Variants in TP63 observed in about 807,000 individuals in gnomAD.
The protein encoded by TP63 is tumor protein 63.
A neutral mutation model predicts 82.8 loss-of-function variants in TP63; 17 were observed. That is an observed-to-expected ratio of 0.21 (90% CI 0.14 to 0.31). TP63 has a LOEUF of 0.31. Ranked by LOEUF, TP63 falls within the 10% of genes least tolerant of loss-of-function variation. The pLI is 1.00. For missense variants in TP63, 648 were observed against 895.3 expected (o/e 0.72, Z 3.52); for synonymous variants, 330 against 321.7 (o/e 1.03, Z -0.28).
chr3:189,865,570 A>T (rs1717623932), intron 5 of TP63, among the ~76,000 whole-genome samples: 1 of 152,242 alleles, frequency 6.6e-6, no homozygotes, highest in Non-Finnish European at 1.5e-5. Context: ...TATAGAAAAA[A>T]TATTAAAATA....
intron 3 of TP63, among the ~76,000 whole-genome samples, chr3:189,767,328 T>G (rs1366339007): frequency 6.6e-6 from 1 of 152,128 alleles, no homozygotes; most frequent in African/African-American, 2.4e-5. Flanking sequence ...AACATGTTCT[T>G]GTTGTTGTGT....
intron 10 of TP63, among the ~76,000 whole-genome samples, chr3:189,878,932 G>C (rs1431346281): frequency 9.5e-5 from 14 of 146,984 alleles, no homozygotes; most frequent in African/African-American, 3.0e-4. Context: ...CCAGCCTACA[G>C]TTTACTTTTG....
chr3:189,881,351 T>A lies in TP63; in HGVS notation c.1350-5043T>A. The A allele has an allele frequency of 4.1e-6, 4 of 985,444 alleles. No individual in the cohort carries two copies. In the African/African-American group the frequency reaches 7.0e-5, roughly 17 times the overall value. The allele number at this position is 985,444 out of a possible 1,614,324, so 61.0% of individuals were successfully genotyped here. A position where few individuals can be genotyped will look rare whatever the true frequency, so the allele number is the denominator to read the frequency against. ...TTTTAAGATAATAGCATAAAGACTT[T>A]AAAAATGTTCCTCCCCTCCATCTTC... On this transcript the variant is annotated intron_variant, in intron 10 of 13. Transcript: ENST00000264731.
At chr3:189,876,032 C>A (rs1213286538) in intron 10 of TP63, among the ~76,000 whole-genome samples, 1 of 152,102 alleles carries the variant, frequency 6.6e-6, no homozygotes, top group Non-Finnish European at 1.5e-5. Context: ...AAAGATGTAG[C>A]TCCTGCCTTC....
intron 3 of TP63, among the ~76,000 whole-genome samples, chr3:189,793,480 T>G (rs1165082031): frequency 6.6e-6 from 1 of 152,082 alleles, no homozygotes; most frequent in African/African-American, 2.4e-5. Flanking sequence ...AGATTCTGCG[T>G]TCTGCTATAA....
intron 1 of TP63, among the ~76,000 whole-genome samples, chr3:189,659,218 C>T (rs1476822694): frequency 6.6e-6 from 1 of 151,996 alleles, no homozygotes; most frequent in African/African-American, 2.4e-5. Flanking sequence ...TCTCATTCCC[C>T]ACTCTAGTAG....
intron 10 of TP63, among the ~76,000 whole-genome samples, chr3:189,875,619 T>TATATATATACACAC (rs1719051756): frequency 9.7e-6 from 1 of 103,346 alleles, no homozygotes; most frequent in Non-Finnish European, 2.0e-5. Context: ...TATATATATA[T>TATATATATACACAC]ATATATATAT....
the TP63 span, among the ~76,000 whole-genome samples, chr3:189,605,712 T>A: frequency 6.6e-6 from 1 of 152,128 alleles, no homozygotes; most frequent in East Asian, 1.9e-4. Flanking sequence ...TGCAAACAAC[T>A]AAATTCTTAG....
the TP63 span, among the ~76,000 whole-genome samples, chr3:189,618,593 A>G: frequency 1.3e-5 from 2 of 152,130 alleles, no homozygotes; most frequent in African/African-American, 4.8e-5. Flanking sequence ...CATCATTTAC[A>G]TGGATATTAA....
intron 4 of TP63, among the ~76,000 whole-genome samples, chr3:189,840,359 C>CTTTTTTTTTTTTTTTTTTTTTTTTTCTT (rs1713831327): frequency 2.2e-5 from 1 of 44,448 alleles, no homozygotes; most frequent in Non-Finnish European, 3.9e-5. Flanking sequence ...TGCTTTTCGT[C>CTTTTTTTTTTTTTTTTTTTTTTTTTCTT]TTTTTTTTTT....
intron 4 of TP63, among the ~76,000 whole-genome samples, chr3:189,860,200 G>T (rs560733529): frequency 6.6e-6 from 1 of 152,106 alleles, no homozygotes; most frequent in East Asian, 1.9e-4. Context: ...CAATGTTGAG[G>T]AGCAATTTAG....
the TP63 span, among the ~76,000 whole-genome samples, chr3:189,626,244 C>T: frequency 4.4e-3 from 670 of 152,248 alleles, 6 homozygotes; most frequent in African/African-American, 0.016. Context: ...CTTTGGCTTC[C>T]ACTTTACTAA....
intron 1 of TP63, among the ~76,000 whole-genome samples, chr3:189,735,287 A>G (rs988166823): frequency 4.0e-5 from 6 of 151,890 alleles, no homozygotes; most frequent in East Asian, 1.9e-4. Context: ...TCACAGATTC[A>G]TTTTTCCCCT....
At chr3:189,890,167 T>A (rs1720870092) in intron 12 of TP63, among the ~76,000 whole-genome samples, 1 of 152,192 alleles carries the variant, frequency 6.6e-6, no homozygotes, top group East Asian at 1.9e-4. Flanking sequence ...TGGAACGATT[T>A]GTGTTGATTT....
chr3:189,625,698 A>G, the TP63 span, among the ~76,000 whole-genome samples: 2 of 151,818 alleles, frequency 1.3e-5, no homozygotes, highest in African/African-American at 4.8e-5. Flanking sequence ...TGGTTCAGGG[A>G]AAAAAAAATC....
chr3:189,812,426 A>G (rs759037818), intron 4 of TP63, among the ~76,000 whole-genome samples: 10 of 152,204 alleles, frequency 6.6e-5, no homozygotes, highest in Non-Finnish European at 1.2e-4. Context: ...TATTTCCACA[A>G]TTTAATTGAT....
intron 1 of TP63, among the ~76,000 whole-genome samples, chr3:189,694,094 G>A (rs1717157871): frequency 6.6e-6 from 1 of 152,132 alleles, no homozygotes; most frequent in African/African-American, 2.4e-5. Flanking sequence ...CTATTAAACA[G>A]CGGAACAGAA....
chr3:189,746,450 C>T (rs559294862), intron 3 of TP63, among the ~76,000 whole-genome samples: 21 of 151,268 alleles, frequency 1.4e-4, no homozygotes, highest in South Asian at 8.4e-4. Flanking sequence ...AGGATATTTA[C>T]CGTCAAGAAA....
rs536278927 is a variant in TP63 at position 189,873,622 on chromosome 3, G to A, written c.1349+627G>A. ...TACATTTTTGGCATAAATCAAGCCAGATTTTTCAAGTATATTACCATATAC... is the reference window on the plus strand; with the variant it reads ...TACATTTTTGGCATAAATCAAGCCAAATTTTTCAAGTATATTACCATATAC... On this transcript the variant is annotated intron_variant, in intron 10 of 13. Transcript: ENST00000264731. 1.8e-5 allele frequency: 3 copies of A among 163,072 alleles called. No homozygotes were observed. The South Asian group carries it at 4.8e-4, about 26-fold the overall frequency. 10.1% of individuals were successfully genotyped at this position (163,072 alleles called of 1,614,324 possible). A position where few individuals can be genotyped will look rare whatever the true frequency, so the allele number is the denominator to read the frequency against.
Sources: allele counts gnomAD v4.1 joint callset (sites outside exome capture counted in the v4.1 genomes callset), GRCh38; gene constraint gnomAD v4.1.1; transcripts MANE v1.5; gene names NCBI Gene and HGNC (gene_info 2026-07-23, HGNC 2026-07-21).